HMCN1: variants seen among roughly 807,000 people sequenced by gnomAD.
The protein encoded by HMCN1 is hemicentin 1.
HMCN1 carries 321 observed loss-of-function variants against 625.9 expected under a neutral mutation model. That is an observed-to-expected ratio of 0.51 (90% CI 0.47 to 0.56). HMCN1 has a LOEUF of 0.56. HMCN1 is among the 20% of genes least tolerant of loss of function. HMCN1 has a pLI of 0.00. For missense variants in HMCN1, 6,588 were observed against 6,887.3 expected (o/e 0.96, Z 1.54); for synonymous variants, 2,425 against 2,417.6 (o/e 1.00, Z -0.09).
intron 105 of HMCN1, among the ~76,000 whole-genome samples, chr1:186,187,295 T>C (rs1466735122): frequency 6.6e-6 from 1 of 152,164 alleles, no homozygotes; most frequent in Non-Finnish European, 1.5e-5. Context: ...TCGATCAGCT[T>C]ACATTGTAGT....
At chr1:185,891,300 A>C (rs1665062728) in intron 4 of HMCN1, among the ~76,000 whole-genome samples, 1 of 141,782 alleles carries the variant, frequency 7.1e-6, no homozygotes. Flanking sequence ...TGGAGCATTT[A>C]GTCCATTTAC....
intron 48 of HMCN1, among the ~76,000 whole-genome samples, chr1:186,064,498 T>C (rs1313599190): frequency 6.6e-6 from 1 of 152,080 alleles, no homozygotes. Context: ...TTGTCAAAAA[T>C]ATAAAATCTT....
intron 11 of HMCN1, among the ~76,000 whole-genome samples, chr1:185,934,045 C>T (rs1667694309): frequency 6.6e-6 from 1 of 152,122 alleles, no homozygotes; most frequent in Non-Finnish European, 1.5e-5. Flanking sequence ...CACAGCTAAT[C>T]ATAGTAGTTG....
At chr1:186,039,606 C>G in intron 38 of HMCN1, 122 bp from the exon 39 acceptor site, 2 of 1,052,214 alleles carry the variant, frequency 1.9e-6, no homozygotes, top group Non-Finnish European at 2.9e-6. Context: ...AAAGAACTTA[C>G]CAAAAAACAA....
At position 186,015,950 on chromosome 1, in the gene HMCN1, C is replaced by A; in HGVS notation, c.4910-8C>A. On this transcript the variant is annotated splice_region_variant and splice_polypyrimidine_tract_variant and intron_variant, in intron 31 of 106. Coordinates refer to ENST00000271588, the MANE Select transcript of HMCN1 (RefSeq NM_031935.3). ...AATTGCCTGAAATATTGCTATGTTT[C>A]TCCCTAGTTCCTCCAATGATTGAAG... 6.2e-7 allele frequency: 1 copy of A among 1,610,762 alleles called. No homozygotes were observed. Among genetic ancestry groups the A allele is most frequent in the Non-Finnish European group, 8.5e-7 (1 of 1,177,134 alleles).
Position 186,006,232 on chromosome 1 carries a change from G to C in HMCN1, c.4476-896G>C, listed in dbSNP as rs972872121. Among the ~76,000 whole-genome samples, 3 of 151,702 alleles carry C rather than the reference G, an allele frequency of 2.0e-5. No individual in the cohort carries two copies. The South Asian group carries it at 6.2e-4, about 32-fold the overall frequency. On this transcript the variant is annotated intron_variant, in intron 29 of 106. Coordinates refer to ENST00000271588, the MANE Select transcript of HMCN1 (RefSeq NM_031935.3). ...ATACAAAGTGTCATACTAAGAAATAGTAAAATATGCTACCATAGGAAGTGA... is the reference window on the plus strand; with the variant it reads ...ATACAAAGTGTCATACTAAGAAATACTAAAATATGCTACCATAGGAAGTGA...
rs146379677 is a variant in HMCN1 at position 186,127,149 on chromosome 1, C to T, written c.12691-929C>T. Among the ~76,000 whole-genome samples, 573 of 152,096 alleles carry T rather than the reference C, an allele frequency of 3.8e-3. 4 individuals carry two copies. The highest frequency in any genetic ancestry group is 0.013 in the African/African-American group (545 of 41,512). ...AGGGTGAAATAGCCATCAGCCGAGA[C>T]GGTGAAGGCTACAGGTGGTACAGGA... On this transcript the variant is annotated intron_variant, in intron 82 of 106. Coordinates refer to ENST00000271588, the MANE Select transcript of HMCN1 (RefSeq NM_031935.3).
intron 46 of HMCN1, among the ~76,000 whole-genome samples, chr1:186,059,520 A>T (rs1312655709): frequency 6.6e-6 from 1 of 152,068 alleles, no homozygotes. Context: ...GAGTGAACAC[A>T]TGATAAGTAT....
At chr1:186,163,145 G>A (rs1039281641) in intron 97 of HMCN1, among the ~76,000 whole-genome samples, 1 of 152,312 alleles carries the variant, frequency 6.6e-6, no homozygotes, top group South Asian at 2.1e-4. Context: ...CTGCTGCCTT[G>A]CAGTTTGATC....
Position 185,993,273 on chromosome 1 carries a change from G to A in HMCN1, c.3469G>A (p.Gly1157Arg). 6.2e-7 allele frequency: 1 copy of A among 1,613,094 alleles called. No individual in the cohort carries two copies. The highest frequency in any genetic ancestry group is 8.5e-7 in the Non-Finnish European group (1 of 1,179,250). ...MYLCVATNIA[G>R]NVTQAVKLNV... ...TCTTTGTGTTGCCACAAATATTGCT[G>A]GGAATGTGACTCAGGCTGTCAAATT... The change falls in exon 23 of 107, where the codon GGG (glycine) becomes AGG (arginine). Residue 1157 changes from glycine to arginine, a missense_variant. By Grantham distance (125) the Gly-to-Arg change is moderately radical (BLOSUM62 -2). This residue lies in a region of HMCN1 where 4,628 missense variants were observed against 4,853.1 expected (regional missense o/e 0.95). Coordinates refer to ENST00000271588, the MANE Select transcript of HMCN1 (RefSeq NM_031935.3).
intron 1 of HMCN1, among the ~76,000 whole-genome samples, chr1:185,815,321 G>GT (rs1308079870): frequency 6.7e-6 from 1 of 149,988 alleles, no homozygotes; most frequent in Non-Finnish European, 1.5e-5. Context: ...CTAAAGTTTA[G>GT]TTTTTTATAT....
At chr1:185,939,524 T>G (rs1246459857) in intron 11 of HMCN1, among the ~76,000 whole-genome samples, 1 of 152,220 alleles carries the variant, frequency 6.6e-6, no homozygotes, top group African/African-American at 2.4e-5. Context: ...ACTTGTAGTT[T>G]TTTTGTTTTT....
intron 105 of HMCN1, among the ~76,000 whole-genome samples, chr1:186,183,697 G>A (rs915163732): frequency 2.6e-5 from 4 of 152,088 alleles, no homozygotes; most frequent in South Asian, 2.1e-4. Context: ...GTGATTATGT[G>A]AGCCTTAATG....
intron 10 of HMCN1, 65 bp downstream of exon 10, chr1:185,928,732 G>A: frequency 1.3e-6 from 2 of 1,523,242 alleles, no homozygotes; most frequent in Non-Finnish European, 1.8e-6. Flanking sequence ...TGGGATGTTT[G>A]TTAACCAGTT....
At chr1:185,980,132 AAC>A (rs1216954869) in intron 16 of HMCN1, among the ~76,000 whole-genome samples, 1 of 152,192 alleles carries the variant, frequency 6.6e-6, no homozygotes, top group African/African-American at 2.4e-5. Context: ...TTTAATGTCT[AAC>A]ACATACAAAT....
At chr1:185,912,082 T>A (rs1265391652) in intron 6 of HMCN1, among the ~76,000 whole-genome samples, 1 of 152,198 alleles carries the variant, frequency 6.6e-6, no homozygotes, top group Non-Finnish European at 1.5e-5. Context: ...TAATCAGAGA[T>A]GGAGCCAACA....
intron 6 of HMCN1, among the ~76,000 whole-genome samples, chr1:185,915,815 T>G (rs1666667031): frequency 6.6e-6 from 1 of 152,086 alleles, no homozygotes; most frequent in Non-Finnish European, 1.5e-5. Flanking sequence ...TATTAGTCTT[T>G]CCTGGTGACT....
chr1:185,852,455 T>C (rs1267053495), intron 2 of HMCN1, among the ~76,000 whole-genome samples: 1 of 151,874 alleles, frequency 6.6e-6, no homozygotes, highest in African/African-American at 2.4e-5. Flanking sequence ...GACATAGATA[T>C]AATGTAGAGC....
chr1:186,041,045 C>A lies in HMCN1; in HGVS notation c.6213C>A (p.Thr2071=). 1 of 1,612,864 alleles carries A rather than the reference C, an allele frequency of 6.2e-7. No homozygotes were observed. Among genetic ancestry groups the A allele is most frequent in the Non-Finnish European group, 8.5e-7 (1 of 1,179,152 alleles). ...CTGGTGGTCGAATCCTAGCATTGAC[C>A]AGTGCACAAATCAGCGACACAGGAA... ...VLSGGRILAL[T]SAQISDTGRY... is the part of the protein sequence containing the mutation. The change falls in exon 40 of 107, where the codon ACC becomes ACA. Residue 2071 remains threonine, a synonymous_variant. Coordinates refer to ENST00000271588, the MANE Select transcript of HMCN1 (RefSeq NM_031935.3).
Sources: allele counts gnomAD v4.1 joint callset (sites outside exome capture counted in the v4.1 genomes callset), GRCh38; gene constraint gnomAD v4.1.1; regional missense constraint gnomAD v4.1.1; transcripts MANE v1.5; gene names NCBI Gene and HGNC (gene_info 2026-07-23, HGNC 2026-07-21).